ETF1: variants seen among roughly 807,000 people sequenced by gnomAD.
ETF1 encodes eukaryotic translation termination factor 1.
Under a neutral mutation model 55.1 loss-of-function variants are expected in ETF1, and 4 were observed. The observed-to-expected ratio is 0.07, with a 90% CI of 0.04 to 0.17. The LOEUF is 0.17. ETF1 is among the 10% of genes least tolerant of loss of function. The probability of loss-of-function intolerance (pLI) is 1.00; values close to 1 mark genes in which losing one functional copy is unlikely to be tolerated. For synonymous variants in ETF1, 157 were observed against 182.3 expected (o/e 0.86, Z 1.12); for missense variants, 142 against 523.6 (o/e 0.27, Z 7.11).
At chr5:138,532,081 T>A (rs1461880874) in intron 2 of ETF1, among the ~76,000 whole-genome samples, 1 of 103,430 alleles carries the variant, frequency 9.7e-6, no homozygotes, top group Admixed American at 9.6e-5. Context: ...TAAATAAATC[T>A]CAGCCAGATC....
intron 2 of ETF1, among the ~76,000 whole-genome samples, chr5:138,530,895 G>A (rs934041109): frequency 6.6e-6 from 1 of 152,196 alleles, no homozygotes; most frequent in African/African-American, 2.4e-5. Flanking sequence ...TGCAGAACTA[G>A]GGTTGAGAAT....
intron 2 of ETF1, among the ~76,000 whole-genome samples, chr5:138,526,259 C>T (rs749052434): frequency 2.0e-5 from 3 of 152,096 alleles, no homozygotes; most frequent in Admixed American, 6.6e-5. Context: ...AATGGGCTTA[C>T]GTGTTAAGTG....
chr5:138,510,834 C>G, intron 8 of ETF1: 1 of 733,076 alleles, frequency 1.4e-6, no homozygotes, highest in South Asian at 6.2e-5. Context: ...AGATATAGTC[C>G]TGGTCCTCAG....
At chr5:138,520,366 C>A (rs962346739) in intron 2 of ETF1, among the ~76,000 whole-genome samples, 7 of 152,202 alleles carry the variant, frequency 4.6e-5, no homozygotes, top group African/African-American at 1.7e-4. Context: ...ACCATCAAGG[C>A]CCTGCCACAT....
intron 2 of ETF1, among the ~76,000 whole-genome samples, chr5:138,524,980 C>A (rs1476382052): frequency 1.3e-5 from 2 of 151,276 alleles, no homozygotes; most frequent in Admixed American, 1.3e-4. Context: ...AAAATACATT[C>A]ATCATGACTA....
intron 2 of ETF1, among the ~76,000 whole-genome samples, chr5:138,526,334 C>A (rs1765471563): frequency 6.6e-6 from 1 of 152,156 alleles, no homozygotes; most frequent in Admixed American, 6.5e-5. Context: ...TAGCTTTTAA[C>A]TACAGGTGTT....
intron 2 of ETF1, among the ~76,000 whole-genome samples, chr5:138,520,653 T>C (rs1015296943): frequency 2.2e-4 from 34 of 151,836 alleles, no homozygotes; most frequent in African/African-American, 8.0e-4. Flanking sequence ...CCCCCATCTG[T>C]ACAAAAAATA....
At chr5:138,513,317 C>T (rs1298402587) in intron 5 of ETF1, 15 of 574,102 alleles carry the variant, frequency 2.6e-5, no homozygotes, top group South Asian at 7.7e-5. Flanking sequence ...ATGCAACCTC[C>T]GTCTCCCGGG....
chr5:138,540,318 T>C (rs1766120710), intron 2 of ETF1, among the ~76,000 whole-genome samples: 1 of 152,166 alleles, frequency 6.6e-6, no homozygotes, highest in African/African-American at 2.4e-5. Flanking sequence ...CCTGAAAACC[T>C]CAGTTTCCTC....
intron 6 of ETF1, 159 bp downstream of exon 6, chr5:138,512,605 A>G: frequency 3.6e-6 from 2 of 560,630 alleles, no homozygotes; most frequent in East Asian, 3.5e-5. Context: ...GCACAGGGGA[A>G]TGTTTCCTGA....
rs35058160 is a variant in ETF1 at position 138,525,943 on chromosome 5, TA to T, written c.87-7077del. Reference sequence around the variant, plus strand: ...CTGGGCAACAGAGTGAGACTCTGTTTAAAAAAAAAAAAAAAAAAGAAATGTG... The same window carrying T: ...CTGGGCAACAGAGTGAGACTCTGTTTAAAAAAAAAAAAAAAAAGAAATGTG... On this transcript the variant is annotated intron_variant, in intron 2 of 10. Transcript: ENST00000360541. Among the ~76,000 whole-genome samples the T allele has an allele frequency of 4.4e-3, 584 of 133,806 alleles. 7 individuals are homozygous for T. Among genetic ancestry groups the T allele is most frequent in the African/African-American group, 0.014 (516 of 36,006 alleles). The allele number at this position is 133,806 out of a possible 152,430, so 87.8% of individuals were successfully genotyped here.
At chr5:138,514,069 G>C (rs934858456) in intron 4 of ETF1, 2 of 213,112 alleles carry the variant, frequency 9.4e-6, no homozygotes, top group African/African-American at 4.7e-5. Context: ...CACTACAACA[G>C]GGATGAAACT....
intron 2 of ETF1, among the ~76,000 whole-genome samples, chr5:138,537,125 T>G (rs1420544183): frequency 1.3e-5 from 2 of 152,142 alleles, no homozygotes; most frequent in Non-Finnish European, 2.9e-5. Flanking sequence ...TAGTTCTGAG[T>G]TGAAGCAGGC....
chr5:138,514,568 CT>C (rs59685005), intron 4 of ETF1, among the ~76,000 whole-genome samples: 744 of 139,664 alleles, frequency 5.3e-3, no homozygotes, highest in Middle Eastern at 7.4e-3. Flanking sequence ...TAACTTGTTC[CT>C]TTTTTTTTTT....
chr5:138,509,121 G>A (rs896724590), intron 9 of ETF1: 13 of 984,986 alleles, frequency 1.3e-5, no homozygotes, highest in Middle Eastern at 5.2e-4. Flanking sequence ...GGCTGTTGTA[G>A]TGTCTCTAAG....
At chr5:138,535,116 A>G (rs887889125) in intron 2 of ETF1, among the ~76,000 whole-genome samples, 2 of 151,724 alleles carry the variant, frequency 1.3e-5, no homozygotes, top group African/African-American at 4.8e-5. Context: ...ACACCCAACT[A>G]ATTTTTTTAT....
At chr5:138,534,924 G>GC (rs1765853854) in intron 2 of ETF1, among the ~76,000 whole-genome samples, 2 of 111,084 alleles carry the variant, frequency 1.8e-5, no homozygotes, top group Non-Finnish European at 4.6e-5. Flanking sequence ...TATAAGGGGG[G>GC]GGGTCAAATG....
In ETF1 at chr5:138,517,108, T is replaced by G. The variant is rs1765051801; in HGVS notation, c.402+453A>C. 4.6e-5 allele frequency among the ~76,000 whole-genome samples: 7 copies of G among 152,262 alleles called. No homozygotes were observed. In the South Asian group the frequency reaches 1.5e-3, roughly 32 times the overall value. ...TGTCCAGGCTGGGCGGGGTTGCTCA[T>G]GCCTGTAATCCTAGTACTTTGGGAG... On this transcript the variant is annotated intron_variant, in intron 4 of 10. Transcript: ENST00000360541.
Position 138,508,085 on chromosome 5 carries a change from A to G in ETF1, c.*220T>C, listed in dbSNP as rs573470694. The G allele has an allele frequency of 9.1e-6, 4 of 441,164 alleles. No homozygotes were observed. In the South Asian group the frequency reaches 2.9e-4, roughly 32 times the overall value. 27.3% of individuals were successfully genotyped at this position (441,164 alleles called of 1,614,324 possible). On this transcript the variant is annotated 3_prime_UTR_variant, in exon 11 of 11. Transcript: ENST00000360541. ...AAATTAGTCCAAAGTGGCGTTTAGG[A>G]ACTTAGTTGTAGGCTGCTGCGCTGA...
Sources: allele counts gnomAD v4.1 joint callset (sites outside exome capture counted in the v4.1 genomes callset), GRCh38; gene constraint gnomAD v4.1.1; transcripts MANE v1.5; gene names NCBI Gene and HGNC (gene_info 2026-07-23, HGNC 2026-07-21).